The following DOCK4 variants were observed in gnomAD, a reference collection of about 807,000 sequenced individuals.
DOCK4 encodes the protein dedicator of cytokinesis 4.
A neutral mutation model predicts 268.1 loss-of-function variants in DOCK4; 97 were observed. The ratio of observed to expected loss-of-function variants is 0.36; its 90% CI spans 0.31 to 0.43. DOCK4 has a LOEUF of 0.43. DOCK4 is among the 20% of genes least tolerant of loss of function. The pLI, the probability that DOCK4 is intolerant of heterozygous loss-of-function variation, is 1.00. For synonymous variants in DOCK4, 954 were observed against 887.2 expected, an observed-to-expected ratio of 1.08 and a Z score of -1.34; for missense variants, 2,145 against 2,455.7, an observed-to-expected ratio of 0.87 and a Z score of 2.67.
At chr7:111,832,462 A>G (rs1379608555) in intron 26 of DOCK4, among the ~76,000 whole-genome samples, 1 of 152,146 alleles carries the variant, frequency 6.6e-6, no homozygotes, top group Non-Finnish European at 1.5e-5. Flanking sequence ...TGAGTTGCTC[A>G]ATATCCACTT....
intron 1 of DOCK4, among the ~76,000 whole-genome samples, chr7:112,194,630 A>T (rs925670095): frequency 6.6e-6 from 1 of 152,252 alleles, no homozygotes; most frequent in Non-Finnish European, 1.5e-5. Flanking sequence ...TCACAAAGGA[A>T]ATAATGTTTG....
intron 1 of DOCK4, among the ~76,000 whole-genome samples, chr7:112,055,617 C>T (rs1400225899): frequency 6.6e-6 from 1 of 152,222 alleles, no homozygotes; most frequent in South Asian, 2.1e-4. Flanking sequence ...TGGCTTTAAA[C>T]TTCCCTAGGG....
At chr7:112,086,837 T>A (rs953043384) in intron 1 of DOCK4, among the ~76,000 whole-genome samples, 1 of 151,980 alleles carries the variant, frequency 6.6e-6, no homozygotes, top group Non-Finnish European at 1.5e-5. Flanking sequence ...GGAAGGGAAT[T>A]TTGTCACAGT....
chr7:111,737,017 T>C, intron 49 of DOCK4, 28 bp from the exon 50 acceptor site: 2 of 1,580,944 alleles, frequency 1.3e-6, no homozygotes, highest in Non-Finnish European at 1.7e-6. Context: ...TTGATTTTTA[T>C]GATGTGATAT....
At chr7:111,980,130 G>A (rs115551048) in intron 7 of DOCK4, among the ~76,000 whole-genome samples, 219 of 152,162 alleles carry the variant, frequency 1.4e-3, no homozygotes, top group African/African-American at 3.6e-3. Context: ...TTTGTTCTTT[G>A]AATACATGCT....
chr7:111,751,841 C>A (rs536781260), intron 42 of DOCK4, among the ~76,000 whole-genome samples: 1 of 152,064 alleles, frequency 6.6e-6, no homozygotes, highest in Non-Finnish European at 1.5e-5. Flanking sequence ...TAACCTCAAA[C>A]TCCTGGGCTC....
At chr7:112,189,755 T>TTTG (rs1819778229) in intron 1 of DOCK4, among the ~76,000 whole-genome samples, 2 of 145,708 alleles carry the variant, frequency 1.4e-5, no homozygotes, top group African/African-American at 5.0e-5. Flanking sequence ...TGTTTTTTTT[T>TTTG]TTTTTTTTTT....
chr7:112,086,990 C>T (rs1283742810), intron 1 of DOCK4, among the ~76,000 whole-genome samples: 1 of 152,020 alleles, frequency 6.6e-6, no homozygotes, highest in African/African-American at 2.4e-5. Flanking sequence ...GCATGCTGAA[C>T]CCTGGGTAAG....
At position 112,061,739 on chromosome 7, in the gene DOCK4, TCACACA is replaced by T. The variant is rs61696712; in HGVS notation, c.38-57614_38-57609del. ...ATATTCTGGGAAGATATTAACAATGTCACACACACACACACACACACACACACACAC... is the reference window on the plus strand; with the variant it reads ...ATATTCTGGGAAGATATTAACAATGTCACACACACACACACACACACACAC... On this transcript the variant is annotated intron_variant, in intron 1 of 52. Coordinates refer to ENST00000428084, the MANE Select transcript of DOCK4 (RefSeq NM_001363540.2). 5.4e-3 allele frequency among the ~76,000 whole-genome samples: 740 copies of T among 137,202 alleles called. 3 individuals carry two copies. The highest frequency in any genetic ancestry group is 0.018 in the East Asian group (83 of 4,676). The allele number at this position is 137,202 out of a possible 152,430, so 90.0% of individuals were successfully genotyped here.
In DOCK4 at chr7:112,089,733, C is replaced by CT. The variant is rs1160891254; in HGVS notation, c.38-85603dup. On this transcript the variant is annotated intron_variant, in intron 1 of 52. Coordinates refer to ENST00000428084, the MANE Select transcript of DOCK4 (RefSeq NM_001363540.2). ...GTTTAAAGGCATGTAGCACCTCCCC[C>CT]TTCTCGCTCTTCCTCCTGCTCCAGC... 7.2e-5 allele frequency among the ~76,000 whole-genome samples: 11 copies of CT among 152,226 alleles called. No homozygotes were observed. In the South Asian group the frequency reaches 1.5e-3, roughly 20 times the overall value.
At chr7:111,920,622 C>T (rs1181650096) in intron 12 of DOCK4, among the ~76,000 whole-genome samples, 2 of 152,130 alleles carry the variant, frequency 1.3e-5, no homozygotes, top group Non-Finnish European at 2.9e-5. Context: ...TAAATTTTAT[C>T]TGTACATTTT....
chr7:112,045,298 C>T (rs1804737742), intron 1 of DOCK4, among the ~76,000 whole-genome samples: 1 of 152,166 alleles, frequency 6.6e-6, no homozygotes, highest in Non-Finnish European at 1.5e-5. Flanking sequence ...TGTCACCTTA[C>T]AACAAGAGTT....
chr7:112,187,984 TTTAG>T (rs1410187139), intron 1 of DOCK4, among the ~76,000 whole-genome samples: 10 of 152,222 alleles, frequency 6.6e-5, no homozygotes, highest in African/African-American at 2.4e-4. Context: ...GAATATAGGG[TTTAG>T]TTAATTTATT....
At chr7:112,173,286 C>T (rs1437065652) in intron 1 of DOCK4, among the ~76,000 whole-genome samples, 1 of 152,174 alleles carries the variant, frequency 6.6e-6, no homozygotes, top group African/African-American at 2.4e-5. Context: ...CAACCCCTCC[C>T]CAATTTATAA....
intron 6 of DOCK4, among the ~76,000 whole-genome samples, chr7:111,986,695 T>C (rs1023772599): frequency 1.3e-5 from 2 of 152,190 alleles, no homozygotes; most frequent in African/African-American, 2.4e-5. Context: ...CATCGTGTTG[T>C]AGGACTGTAT....
chr7:112,023,702 G>T (rs254867), intron 1 of DOCK4: 126,881 of 440,516 alleles, frequency 0.29, 22,319 homozygotes, highest in East Asian at 0.62. Context: ...CAGGCATTTT[G>T]TGCTCCATCC....
chr7:112,038,329 T>C (rs1292599760), intron 1 of DOCK4, among the ~76,000 whole-genome samples: 1 of 152,232 alleles, frequency 6.6e-6, no homozygotes, highest in Admixed American at 6.5e-5. Flanking sequence ...CACATAAATG[T>C]GCACAGAGGA....
chr7:111,829,288 G>T (rs547511609), intron 26 of DOCK4, among the ~76,000 whole-genome samples: 1 of 152,298 alleles, frequency 6.6e-6, no homozygotes, highest in African/African-American at 2.4e-5. Flanking sequence ...TTTGGTTTAA[G>T]AAAGTTTATT....
intron 1 of DOCK4, among the ~76,000 whole-genome samples, chr7:112,013,698 T>C: frequency 6.6e-6 from 1 of 152,224 alleles, no homozygotes; most frequent in Middle Eastern, 3.2e-3. Context: ...CAAACAGGTT[T>C]TGTATGAGCA....
Sources: allele counts gnomAD v4.1 joint callset (sites outside exome capture counted in the v4.1 genomes callset), GRCh38; gene constraint gnomAD v4.1.1; transcripts MANE v1.5; gene names NCBI Gene and HGNC (gene_info 2026-07-23, HGNC 2026-07-21).